Variants in PSG1 observed in about 807,000 individuals in gnomAD.
The protein encoded by PSG1 is pregnancy specific beta-1-glycoprotein 1.
PSG1 carries 60 observed loss-of-function variants against 41.4 expected under a neutral mutation model. That is an observed-to-expected ratio of 1.45 (90% CI 1.18 to 1.80). The LOEUF is 1.80. Ranked by LOEUF, PSG1 falls within the 40% of genes most tolerant of loss-of-function variation. The pLI is 0.00. For missense variants in PSG1, 806 were observed against 516.9 expected, an observed-to-expected ratio of 1.56 and a Z score of -5.42; for synonymous variants, 256 against 192.9, an observed-to-expected ratio of 1.33 and a Z score of -2.71.
Position 42,871,950 on chromosome 19 carries a change from C to T in PSG1, c.526G>A (p.Ala176Thr), listed in dbSNP as rs1475443567. ...SLTCDPETPD[A>T]SYLWWMNGQS... The stretch of plus-strand genomic sequence containing the variant: ...CCATTCATCCACCACAGGTAGCTTG[C>T]GTCTGGAGTCTCAGGGTCACAGGTT... The change falls in exon 3 of 6, where the codon GCA becomes ACA. Residue 176 changes from alanine (A) to threonine (T), a missense_variant. Physicochemically the swap from Ala to Thr is moderately conservative, Grantham distance 58. Coordinates refer to ENST00000436291, the MANE Select transcript of PSG1 (RefSeq NM_001184825.2). 3.2e-5 allele frequency: 51 copies of T among 1,612,302 alleles called. 3 individuals are homozygous for T. The highest frequency in any genetic ancestry group is 3.3e-4 in the Middle Eastern group (2 of 6,078).
At chr19:42,878,862 C>G (rs1021058616) in intron 1 of PSG1, among the ~76,000 whole-genome samples, 6 of 151,512 alleles carry the variant, frequency 4.0e-5, no homozygotes, top group African/African-American at 1.5e-4. Context: ...GTTCTCAGGG[C>G]CCTCCATGCC....
At position 42,871,274 on chromosome 19, in the gene PSG1, A is replaced by G. The variant is rs879030582; in HGVS notation, c.709+493T>C. On this transcript the variant is annotated intron_variant, in intron 3 of 5. Coordinates refer to ENST00000436291, the MANE Select transcript of PSG1 (RefSeq NM_001184825.2). The stretch of plus-strand genomic sequence containing the variant: ...TCAGCCAAGAATGCTCTGCCAGTGG[A>G]TGGAGTCTGTGAGGCAGGAGAGCTT... Among the ~76,000 whole-genome samples, 18 of 151,712 alleles carry G rather than the reference A, an allele frequency of 1.2e-4. No homozygotes were observed. The South Asian group carries it at 2.9e-3, about 25-fold the overall frequency.
intron 3 of PSG1, chr19:42,869,543 G>A (rs1202637559): frequency 3.6e-5 from 6 of 166,954 alleles, no homozygotes; most frequent in Non-Finnish European, 7.9e-5. Context: ...GGGACTGGAT[G>A]TTTCAGCAGA....
At chr19:42,873,096 A>C (rs1466412944) in intron 2 of PSG1, among the ~76,000 whole-genome samples, 1 of 151,574 alleles carries the variant, frequency 6.6e-6, no homozygotes, top group Non-Finnish European at 1.5e-5. Context: ...TCAGGGGAAT[A>C]GGGTGTTGTT....
intron 2 of PSG1, among the ~76,000 whole-genome samples, chr19:42,872,891 A>T (rs925190681): frequency 4.0e-5 from 6 of 151,834 alleles, no homozygotes; most frequent in African/African-American, 1.5e-4. Flanking sequence ...TCATGAACTG[A>T]TGACGGAAGT....
At chr19:42,868,725 C>A (rs199797898) in intron 4 of PSG1, 31 bp downstream of exon 4, 3 of 1,608,958 alleles carry the variant, frequency 1.9e-6, no homozygotes, top group Non-Finnish European at 2.5e-6. Context: ...AAGCTGGTGT[C>A]CTGGCCCACA....
intron 5 of PSG1, 38 bp from the exon 6 acceptor site, chr19:42,867,188 G>A (rs1280714230): frequency 1.3e-6 from 1 of 765,400 alleles, no homozygotes; most frequent in African/African-American, 1.7e-5. Flanking sequence ...ACAATGAACA[G>A]AGCTGCAGTC....
chr19:42,878,641 C>G (rs982089306), intron 1 of PSG1, among the ~76,000 whole-genome samples: 6 of 147,128 alleles, frequency 4.1e-5, no homozygotes, highest in African/African-American at 1.5e-4. Flanking sequence ...TTCCTGATGC[C>G]TGCTTCAGAG....
chr19:42,879,027 C>T (rs1168365613), intron 1 of PSG1, among the ~76,000 whole-genome samples: 2 of 151,632 alleles, frequency 1.3e-5, no homozygotes, highest in Admixed American at 6.6e-5. Flanking sequence ...GAAAACAGAA[C>T]ACTTAAGATT....
At chr19:42,874,351 G>C (rs1878348192) in intron 2 of PSG1, among the ~76,000 whole-genome samples, 1 of 150,214 alleles carries the variant, frequency 6.7e-6, no homozygotes, top group Non-Finnish European at 1.5e-5. Flanking sequence ...TCTCTAACAG[G>C]GTTTTTTTTT....
rs1277815141 is a variant in PSG1, at chr19:42,867,146, C to G, written c.1248G>C (p.Trp416Cys). 2.6e-6 allele frequency: 2 copies of G among 769,066 alleles called. 1 individual carries two copies. The highest frequency in any genetic ancestry group is 3.4e-5 in the African/African-American group (2 of 58,902). 47.6% of individuals were successfully genotyped at this position (769,066 alleles called of 1,614,324 possible). A position where few individuals can be genotyped will look rare whatever the true frequency, so the allele number is the denominator to read the frequency against. Residue 416 changes from tryptophan (W) to cysteine (C), a missense_variant, in exon 6 of 6, where the codon TGG (tryptophan) becomes TGC (cysteine). Trp to Cys is a radical substitution (Grantham distance 215). Transcript: ENST00000436291. ...GTACTAGTAGAATTCAGGGAACTGT[C>G]CAGTCTACAGGTGGATAATAAAAAC... The part of the protein sequence containing the change: ...SKSMTVEVSD[W>C]TVP
Sources: gnomAD v4.1 joint callset for allele counts (sites outside exome capture counted in the v4.1 genomes callset) on GRCh38, gnomAD v4.1.1 for gene constraint, MANE v1.5 for transcripts, NCBI Gene and HGNC (gene_info 2026-07-23, HGNC 2026-07-21) for gene names.